The following CTNNA3 variants were observed in gnomAD, a reference collection of about 807,000 sequenced individuals.
The protein encoded by CTNNA3 is catenin alpha 3, also known as catenin alpha-3.
In CTNNA3, 76 loss-of-function variants were observed where a neutral mutation model predicts 95.7. The observed-to-expected ratio is 0.79, with a 90% CI of 0.66 to 0.96. The LOEUF (loss-of-function observed/expected upper bound fraction) is 0.96. Ranked by LOEUF, CTNNA3 falls within the 40% of genes least tolerant of loss-of-function variation. The pLI is 0.00. For synonymous variants in CTNNA3, 431 were observed against 374.4 expected, an observed-to-expected ratio of 1.15 and a Z score of -1.74; for missense variants, 1,191 against 1,089.8, an observed-to-expected ratio of 1.09 and a Z score of -1.31.
At chr10:65,965,655 A>T (rs1446431683) in intron 17 of CTNNA3, among the ~76,000 whole-genome samples, 1 of 151,824 alleles carries the variant, frequency 6.6e-6, no homozygotes, top group Non-Finnish European at 1.5e-5. Flanking sequence ...TCTGGACACC[A>T]AAGCGCTGGG....
chr10:66,620,758 T>G (rs1224076950), intron 10 of CTNNA3, among the ~76,000 whole-genome samples: 2 of 152,144 alleles, frequency 1.3e-5, no homozygotes, highest in African/African-American at 4.8e-5. Flanking sequence ...AAAGAAGCAG[T>G]TTCCTTCACA....
intron 12 of CTNNA3, among the ~76,000 whole-genome samples, chr10:66,320,687 A>G (rs1236805224): frequency 6.6e-6 from 1 of 152,146 alleles, no homozygotes; most frequent in Non-Finnish European, 1.5e-5. Flanking sequence ...TTCCTTTTAT[A>G]TATAATATTC....
intron 11 of CTNNA3, among the ~76,000 whole-genome samples, chr10:66,412,147 C>T (rs1012717312): frequency 6.6e-6 from 1 of 152,076 alleles, no homozygotes; most frequent in South Asian, 2.1e-4. Flanking sequence ...GAAAAACATG[C>T]ATTCGATATT....
chr10:65,987,050 T>C (rs2078443296), intron 16 of CTNNA3, among the ~76,000 whole-genome samples: 1 of 151,638 alleles, frequency 6.6e-6, no homozygotes, highest in Admixed American at 6.6e-5. Context: ...TATGGAAAAA[T>C]CCAATCAAAA....
intron 5 of CTNNA3, among the ~76,000 whole-genome samples, chr10:67,329,161 C>G (rs982969667): frequency 1.1e-4 from 17 of 152,150 alleles, no homozygotes; most frequent in African/African-American, 3.4e-4. Flanking sequence ...CGCTTGAGCT[C>G]AGGAGTTCAA....
At chr10:66,308,392 AC>A (rs1478537027) in intron 12 of CTNNA3, among the ~76,000 whole-genome samples, 2 of 152,096 alleles carry the variant, frequency 1.3e-5, no homozygotes, top group Non-Finnish European at 2.9e-5. Context: ...AACAGAATTC[AC>A]TCCTGTTTAA....
Position 66,154,563 on chromosome 10 carries a change from G to T in CTNNA3, c.1885-51314C>A, listed in dbSNP as rs543345061. Among the ~76,000 whole-genome samples, 39 of 150,944 alleles carry T rather than the reference G, an allele frequency of 2.6e-4. 1 individual carries two copies. The highest frequency in any genetic ancestry group is 3.8e-4 in the Non-Finnish European group (26 of 67,614). ...TCTTACTTGCAAGCTACTGTTAATG[G>T]CAACATTTTCCCATTTGCCGAAAAC... On this transcript the variant is annotated intron_variant, in intron 13 of 17. Transcript: ENST00000433211.
rs114297761 is a variant in CTNNA3 at position 67,422,680 on chromosome 10, C to A, written c.579+99162G>T. ...CTAAACATGTGGGCACATTCTCATT[C>A]ACTCTCTCTTTCTCCTGCTCCACCA... On this transcript the variant is annotated intron_variant, in intron 5 of 17. Coordinates refer to ENST00000433211, the MANE Select transcript of CTNNA3 (RefSeq NM_013266.4). Among the ~76,000 whole-genome samples, 233 of 152,210 alleles carry A rather than the reference C, an allele frequency of 1.5e-3. 4 individuals carry two copies. The highest frequency in any genetic ancestry group is 5.4e-3 in the African/African-American group (225 of 41,542).
At chr10:66,219,319 C>T (rs981239739) in intron 13 of CTNNA3, among the ~76,000 whole-genome samples, 3 of 152,118 alleles carry the variant, frequency 2.0e-5, no homozygotes, top group Non-Finnish European at 4.4e-5. Context: ...CTGTAGCATC[C>T]AGGCCCCAAA....
intron 3 of CTNNA3, among the ~76,000 whole-genome samples, chr10:67,542,383 G>C (rs1026280803): frequency 2.6e-5 from 4 of 152,040 alleles, no homozygotes; most frequent in African/African-American, 9.7e-5. Flanking sequence ...CATAAAACTA[G>C]TAAGTGCAAG....
At chr10:66,543,967 A>T (rs1841958150) in intron 10 of CTNNA3, among the ~76,000 whole-genome samples, 1 of 123,652 alleles carries the variant, frequency 8.1e-6, no homozygotes, top group Non-Finnish European at 1.7e-5. Flanking sequence ...GTTCTTCAGC[A>T]TTTTTCTTTA....
intron 10 of CTNNA3, among the ~76,000 whole-genome samples, chr10:66,614,628 T>C (rs941051156): frequency 2.6e-5 from 4 of 152,042 alleles, no homozygotes; most frequent in African/African-American, 9.7e-5. Context: ...AAAAATATTA[T>C]CTCTTTATAC....
chr10:66,963,268 C>G (rs911937172), intron 7 of CTNNA3, among the ~76,000 whole-genome samples: 18 of 152,178 alleles, frequency 1.2e-4, no homozygotes, highest in African/African-American at 3.9e-4. Context: ...TTGACACAAA[C>G]AGACTTTTAG....
At chr10:66,140,122 TCTAA>T (rs1237914406) in intron 13 of CTNNA3, among the ~76,000 whole-genome samples, 3 of 152,276 alleles carry the variant, frequency 2.0e-5, no homozygotes, top group East Asian at 3.9e-4. Flanking sequence ...GGACCAAAAT[TCTAA>T]CTAACTAATC....
intron 13 of CTNNA3, among the ~76,000 whole-genome samples, chr10:66,166,449 G>C (rs1230363454): frequency 1.4e-5 from 2 of 146,582 alleles, no homozygotes; most frequent in Non-Finnish European, 3.0e-5. Flanking sequence ...AGCTGAGATC[G>C]CACCACTGCA....
intron 13 of CTNNA3, among the ~76,000 whole-genome samples, chr10:66,157,891 AT>A (rs1380400234): frequency 6.6e-6 from 1 of 151,692 alleles, no homozygotes; most frequent in African/African-American, 2.4e-5. Context: ...TGTGGTTTTG[AT>A]TTGCATTTTC....
intron 5 of CTNNA3, among the ~76,000 whole-genome samples, chr10:67,229,749 C>G (rs1865101453): frequency 6.6e-6 from 1 of 151,976 alleles, no homozygotes; most frequent in Admixed American, 6.6e-5. Flanking sequence ...AATAAAATAC[C>G]TAGGAATATA....
chr10:66,291,674 C>G (rs1004100196), intron 12 of CTNNA3, among the ~76,000 whole-genome samples: 2 of 151,474 alleles, frequency 1.3e-5, no homozygotes, highest in Admixed American at 1.3e-4. Flanking sequence ...TGTTTGTCAC[C>G]CTATTTGATG....
At chr10:67,680,671 T>C (rs1840609530) in intron 1 of CTNNA3, among the ~76,000 whole-genome samples, 2 of 152,340 alleles carry the variant, frequency 1.3e-5, no homozygotes, top group African/African-American at 4.8e-5. Flanking sequence ...ACTTTAGTTA[T>C]AATCAAAAAC....
Sources: gnomAD v4.1 joint callset for allele counts (sites outside exome capture counted in the v4.1 genomes callset) on GRCh38, gnomAD v4.1.1 for gene constraint, MANE v1.5 for transcripts, NCBI Gene and HGNC (gene_info 2026-07-23, HGNC 2026-07-21) for gene names.